Variants in KIF19 observed in about 807,000 individuals in gnomAD.
The protein encoded by KIF19 is kinesin-like protein KIF19.
In KIF19, 98 loss-of-function variants were observed where a neutral mutation model predicts 106.6. The ratio of observed to expected loss-of-function variants is 0.92; its 90% confidence interval spans 0.78 to 1.09. KIF19 has a LOEUF of 1.09. Ranked by LOEUF, KIF19 falls within the 50% of genes least tolerant of loss-of-function variation. The pLI is 0.00. For missense variants in KIF19, 1,373 were observed against 1,414.3 expected, an observed-to-expected ratio of 0.97 and a Z score of 0.47; for synonymous variants, 516 against 584.2, an observed-to-expected ratio of 0.88 and a Z score of 1.68.
chr17:74,348,730 T>G, intron 9 of KIF19: 1 of 176,724 alleles, frequency 5.7e-6, no homozygotes, highest in Admixed American at 5.6e-5. Context: ...GGGGGTGGCC[T>G]GGTGGGGTCC....
intron 2 of KIF19, among the ~76,000 whole-genome samples, chr17:74,334,500 G>A (rs746873001): frequency 6.6e-6 from 1 of 152,160 alleles, no homozygotes; most frequent in Non-Finnish European, 1.5e-5. Flanking sequence ...TCTCAGAATC[G>A]TATAGCCAGG....
rs1175575576 is a variant in KIF19, at chr17:74,349,650, T to TGGCGTAGGGCTGC, written c.1213+303_1213+315dup. On this transcript the variant is annotated intron_variant, in intron 10 of 19. Transcript: ENST00000389916. ...TGCGCAGGGCGCACACTAAGGGCTG[T>TGGCGTAGGGCTGC]GGCGTAGGGCTGCGAGGTCATGCCT... Among the ~76,000 whole-genome samples the TGGCGTAGGGCTGC allele has an allele frequency of 4.9e-4, 75 of 152,250 alleles. 2 individuals are homozygous for TGGCGTAGGGCTGC. Among genetic ancestry groups the TGGCGTAGGGCTGC allele is most frequent in the Non-Finnish European group, 1.8e-4 (12 of 68,038 alleles).
At position 74,354,436 on chromosome 17, in the gene KIF19, T is replaced by C; in HGVS notation, c.2583T>C (p.His861=). The C allele has an allele frequency of 1.2e-6, 2 of 1,611,070 alleles. No homozygotes were observed. Among genetic ancestry groups the C allele is most frequent in the Non-Finnish European group, 1.7e-6 (2 of 1,179,222 alleles). ...GEAPSRAVGH[H]GDGPRPWLRG... ...CCCCGTCCCGGGCAGTCGGACATCATGGGGACGGCCCCAGGCCCTGGCTGC... is the reference window on the plus strand; with the variant it reads ...CCCCGTCCCGGGCAGTCGGACATCACGGGGACGGCCCCAGGCCCTGGCTGC... Residue 861 remains histidine (H), a synonymous_variant, in exon 18 of 20, where the codon CAT becomes CAC. Transcript: ENST00000389916.
chr17:74,347,655 C>T (rs1004115946), intron 8 of KIF19, 122 bp from the exon 9 acceptor site: 12 of 1,142,184 alleles, frequency 1.1e-5, no homozygotes, highest in African/African-American at 1.5e-5. Context: ...GCTCAGCAGC[C>T]GGGTCCCTTA....
At chr17:74,340,784 C>T (rs1317837520) in intron 2 of KIF19, among the ~76,000 whole-genome samples, 1 of 152,252 alleles carries the variant, frequency 6.6e-6, no homozygotes, top group African/African-American at 2.4e-5. Flanking sequence ...GTGCTGACCT[C>T]ATCCCTCACC....
intron 14 of KIF19, 57 bp downstream of exon 14, chr17:74,352,397 T>A (rs1245178912): frequency 1.3e-6 from 2 of 1,549,274 alleles, no homozygotes; most frequent in Non-Finnish European, 1.7e-6. Context: ...GAGGGGCTGA[T>A]GACCAAGGCA....
chr17:74,340,348 C>T (rs919226419), intron 2 of KIF19, among the ~76,000 whole-genome samples: 6 of 152,194 alleles, frequency 3.9e-5, no homozygotes, highest in East Asian at 1.9e-4. Flanking sequence ...CCAGCAAGGA[C>T]GCAGCCTCCT....
Position 74,328,410 on chromosome 17 carries a change from G to T in KIF19, c.40-15G>T, listed in dbSNP as rs2144185888. On this transcript the variant is annotated splice_polypyrimidine_tract_variant and intron_variant, in intron 1 of 19. Coordinates refer to ENST00000389916, the MANE Select transcript of KIF19 (RefSeq NM_153209.4). ...CCTCTCCCTCTAATCCCAGGGGCTT[G>T]GTTTTCCCTCCCAGGTGGCGCTTCG... The T allele has an allele frequency of 6.3e-7, 1 of 1,599,758 alleles. No individual in the cohort carries two copies. Among genetic ancestry groups the T allele is most frequent in the South Asian group, 1.1e-5 (1 of 87,918 alleles).
intron 1 of KIF19, among the ~76,000 whole-genome samples, chr17:74,328,010 T>C (rs2053960179): frequency 6.6e-6 from 1 of 152,140 alleles, no homozygotes; most frequent in South Asian, 2.1e-4. Flanking sequence ...TGGGGGACAT[T>C]CCCTGCTCCA....
At position 74,349,112 on chromosome 17, in the gene KIF19, C is replaced by T. The variant is rs1209689748; in HGVS notation, c.1048-72C>T. The T allele has an allele frequency of 3.9e-6, 6 of 1,528,306 alleles. No individual in the cohort carries two copies. The Admixed American group carries it at 5.3e-5, about 13-fold the overall frequency. 94.7% of individuals were successfully genotyped at this position (1,528,306 alleles called of 1,614,324 possible). On this transcript the variant is annotated intron_variant, in intron 9 of 19. Coordinates refer to ENST00000389916, the MANE Select transcript of KIF19 (RefSeq NM_153209.4). ...CTGGGGGAGGCAGGGGGAAGAAAGG[C>T]CCTGCAGGCAGGCCTCGGTGAGTGC...
rs775128139 is a variant in KIF19 at position 74,352,312 on chromosome 17, T to C, written c.1952T>C (p.Met651Thr). 6.2e-7 allele frequency: 1 copy of C among 1,610,972 alleles called. No homozygotes were observed. The highest frequency in any genetic ancestry group is 8.5e-7 in the Non-Finnish European group (1 of 1,179,118). The change falls in exon 14 of 20, where the codon ATG becomes ACG. Residue 651 changes from methionine (M) to threonine (T), a missense_variant. By Grantham distance (81) the Met-to-Thr change is moderately conservative. This residue lies in a region of KIF19 where 1,020 missense variants were observed against 1,008.2 expected (regional missense o/e 1.01). Transcript: ENST00000389916. ...GGCAGCCTGGAGCAGGCCACCATCATGGACCAAGTGGCCTCCAGGGCCCTG... is the reference window on the plus strand; with the variant it reads ...GGCAGCCTGGAGCAGGCCACCATCACGGACCAAGTGGCCTCCAGGGCCCTG... ...EEGSLEQATI[M>T]DQVASRALQD...
intron 9 of KIF19, chr17:74,348,974 G>C (rs1032592171): frequency 1.4e-4 from 80 of 582,148 alleles, no homozygotes; most frequent in South Asian, 3.1e-4. Context: ...GAGGAATGAG[G>C]ACGTTCCCCG....
In KIF19 at chr17:74,331,112, C is replaced by A. The variant is rs942669494; in HGVS notation, c.120+2607C>A. ...CCAGGAAGCAAAATGCACATGGACC[C>A]CCCCTTACCCTTGTCCCCGACCTGA... On this transcript the variant is annotated intron_variant, in intron 2 of 19. Coordinates refer to ENST00000389916, the MANE Select transcript of KIF19 (RefSeq NM_153209.4). The surrounding 1 kb of genome is among the most constrained non-coding windows in gnomAD (Gnocchi z 4.1). Among the ~76,000 whole-genome samples the A allele has an allele frequency of 1.3e-5, 2 of 152,244 alleles. No individual in the cohort carries two copies. Among genetic ancestry groups the A allele is most frequent in the Non-Finnish European group, 2.9e-5 (2 of 68,008 alleles).
chr17:74,349,776 A>G (rs1703403958), intron 10 of KIF19, among the ~76,000 whole-genome samples: 1 of 151,048 alleles, frequency 6.6e-6, no homozygotes, highest in Non-Finnish European at 1.5e-5. Context: ...ATTTACTAAT[A>G]TAAAGAGAGA....
At chr17:74,351,264 C>G (rs750466034) in intron 12 of KIF19, 5 of 218,870 alleles carry the variant, frequency 2.3e-5, no homozygotes, top group Non-Finnish European at 4.5e-5. Context: ...AGGCAGATCA[C>G]TTGAGGCCAG....
At chr17:74,338,203 C>T (rs1188501953) in intron 2 of KIF19, among the ~76,000 whole-genome samples, 1 of 152,260 alleles carries the variant, frequency 6.6e-6, no homozygotes, top group Non-Finnish European at 1.5e-5. Context: ...TCCACAGGAA[C>T]ACCGGCATTG....
intron 2 of KIF19, among the ~76,000 whole-genome samples, chr17:74,338,189 C>T (rs968695818): frequency 6.6e-6 from 1 of 152,246 alleles, no homozygotes; most frequent in Non-Finnish European, 1.5e-5. Flanking sequence ...TGGTCCTCCC[C>T]GTGTCCACAG....
At position 74,347,837 on chromosome 17, in the gene KIF19, G is replaced by T. The variant is rs780929526; in HGVS notation, c.985G>T (p.Ala329Ser). 6.3e-7 allele frequency: 1 copy of T among 1,586,678 alleles called. No individual in the cohort carries two copies. Among genetic ancestry groups the T allele is most frequent in the Non-Finnish European group, 8.6e-7 (1 of 1,167,042 alleles). The change falls in exon 9 of 20, where the codon GCC (alanine) becomes TCC (serine). Residue 329 changes from alanine (A) to serine (S), a missense_variant. By Grantham distance (99) the Ala-to-Ser change is moderately conservative. Transcript: ENST00000389916. ...MIAHISPASSAFEESRNTLTY... is the reference protein window; with the variant it reads ...MIAHISPASSSFEESRNTLTY... ...CGCTCACATCAGTCCTGCGAGCAGT[G>T]CCTTCGAGGAGTCCCGGAACACCCT...
chr17:74,340,021 G>A (rs776047043), intron 2 of KIF19, among the ~76,000 whole-genome samples: 5 of 152,190 alleles, frequency 3.3e-5, no homozygotes, highest in African/African-American at 4.8e-5. Flanking sequence ...AGACTGTTGA[G>A]CTCTTGGCAC....
Sources: gnomAD v4.1 joint callset for allele counts (sites outside exome capture counted in the v4.1 genomes callset) on GRCh38, gnomAD v4.1.1 for gene constraint, gnomAD v4.1.1 regional missense constraint, Gnocchi (gnomAD v3.1) non-coding constraint, MANE v1.5 for transcripts, NCBI Gene and HGNC (gene_info 2026-07-23, HGNC 2026-07-21) for gene names.